Variants in ABHD18 observed in about 807,000 individuals in gnomAD.
The protein encoded by ABHD18 is abhydrolase domain containing 18, also known as cardiolipin-specific deacylase, mitochondrial.
ABHD18 carries 55 observed loss-of-function variants against 65.9 expected under a neutral mutation model. The observed-to-expected ratio is 0.84, with a 90% CI of 0.67 to 1.05. The LOEUF is 1.05. ABHD18 is among the 50% of genes least tolerant of loss of function. The pLI is 0.00. For synonymous variants in ABHD18, 181 were observed against 180.2 expected, an observed-to-expected ratio of 1.00 and a Z score of -0.04; for missense variants, 533 against 558.5, an observed-to-expected ratio of 0.95 and a Z score of 0.46.
Position 128,036,723 on chromosome 4 carries a change from A to C in ABHD18, c.*910A>C, listed in dbSNP as rs1758911555. On this transcript the variant is annotated 3_prime_UTR_variant, in exon 13 of 13. Transcript: ENST00000645843. ...CTCCAGCCTGGGCAACAAGAGTGAA[A>C]CTCCGTCTCAAAATAATAATAATAA... is the stretch of plus-strand genomic sequence containing the variant. 1.3e-5 allele frequency: 2 copies of C among 149,734 alleles called. No homozygotes were observed. The highest frequency in any genetic ancestry group is 3.0e-5 in the Non-Finnish European group (2 of 67,510). The allele number at this position is 149,734 out of a possible 1,614,324, so 9.3% of individuals were successfully genotyped here. A position where few individuals can be genotyped will look rare whatever the true frequency, so the allele number is the denominator to read the frequency against.
intron 7 of ABHD18, among the ~76,000 whole-genome samples, chr4:128,016,886 T>A (rs1251641489): frequency 6.6e-6 from 1 of 152,198 alleles, no homozygotes; most frequent in Non-Finnish European, 1.5e-5. Flanking sequence ...TGATTTGATA[T>A]GTAATCCAAT....
intron 10 of ABHD18, among the ~76,000 whole-genome samples, chr4:128,024,849 C>T (rs746708771): frequency 2.0e-5 from 3 of 151,970 alleles, no homozygotes; most frequent in South Asian, 2.1e-4. Flanking sequence ...TGTGCCACCA[C>T]GCCCGGCTAA....
At chr4:128,029,410 G>A (rs979909669) in intron 11 of ABHD18, among the ~76,000 whole-genome samples, 11 of 152,110 alleles carry the variant, frequency 7.2e-5, no homozygotes, top group Admixed American at 4.6e-4. Flanking sequence ...GCTGGACACA[G>A]TGGCTCACGC....
At chr4:127,967,895 T>A (rs72920251) in intron 1 of ABHD18, among the ~76,000 whole-genome samples, 339 of 152,254 alleles carry the variant, frequency 2.2e-3, no homozygotes, top group African/African-American at 7.7e-3. Context: ...TGCATTTCCT[T>A]AGGTGACTGC....
chr4:128,029,872 C>T (rs1173434252), intron 11 of ABHD18, among the ~76,000 whole-genome samples: 2 of 151,724 alleles, frequency 1.3e-5, no homozygotes, highest in Non-Finnish European at 2.9e-5. Flanking sequence ...CTTATAGTCC[C>T]ATCTACTCAG....
At chr4:128,011,038 A>G (rs1285261912) in intron 6 of ABHD18, among the ~76,000 whole-genome samples, 1 of 152,190 alleles carries the variant, frequency 6.6e-6, no homozygotes, top group African/African-American at 2.4e-5. Context: ...AATTTTATGA[A>G]CGAAATAAAA....
Position 128,006,167 on chromosome 4 carries a change from A to G in ABHD18, c.279-2753A>G, listed in dbSNP as rs1753567466. Among the ~76,000 whole-genome samples, 3 of 152,198 alleles carry G rather than the reference A, an allele frequency of 2.0e-5. No homozygotes were observed. The South Asian group carries it at 6.2e-4, about 32-fold the overall frequency. The stretch of plus-strand genomic sequence containing the variant: ...GCAGAGACACTGATTACTGAAATTA[A>G]TTAGGTGGGTAGTTAGTTAATACTC... On this transcript the variant is annotated intron_variant, in intron 4 of 12. Transcript: ENST00000645843.
chr4:127,989,724 G>T lies in ABHD18; in HGVS notation c.181G>T (p.Glu61Ter). The change falls in exon 4 of 13, where the codon GAA (glutamate) becomes TAA (stop). Residue 61 changes from glutamate (E) to a stop codon, truncating the protein, a stop_gained. Coordinates refer to ENST00000645843, the MANE Select transcript of ABHD18 (RefSeq NM_001358451.3). LOFTEE classifies it high-confidence loss of function. Reference protein sequence around the residue: ...SDYPVHIDKIEEQSDCKILDG... With the variant: ...SDYPVHIDKI The stretch of plus-strand genomic sequence containing the variant: ...CTTGGTTTTGATTTTCTTTTAGATT[G>T]AAGAGCAATCAGATTGTAAGATCTT... The T allele has an allele frequency of 6.4e-7, 1 of 1,573,850 alleles. No homozygotes were observed. Among genetic ancestry groups the T allele is most frequent in the Non-Finnish European group, 8.6e-7 (1 of 1,159,632 alleles).
At chr4:128,011,742 A>G in intron 7 of ABHD18, 42 bp downstream of exon 7, 2 of 1,478,342 alleles carry the variant, frequency 1.4e-6, no homozygotes, top group Non-Finnish European at 9.0e-7. Context: ...TTTTTACCCA[A>G]TATCCAGCAG....
rs918887399 is a variant in ABHD18 at position 127,985,965 on chromosome 4, A to C, written c.177+1542A>C. Among the ~76,000 whole-genome samples, 289 of 152,308 alleles carry C rather than the reference A, an allele frequency of 1.9e-3. 1 individual carries two copies. Among genetic ancestry groups the C allele is most frequent in the African/African-American group, 6.8e-3 (283 of 41,562 alleles). ...AGGATGCGGAGGTTGCAGTGAACCA[A>C]GATCGCGCCACAGCACTCCAGCCTG... On this transcript the variant is annotated intron_variant, in intron 3 of 12. Coordinates refer to ENST00000645843, the MANE Select transcript of ABHD18 (RefSeq NM_001358451.3).
chr4:128,008,687 A>G (rs1458284098), intron 4 of ABHD18, among the ~76,000 whole-genome samples: 1 of 152,232 alleles, frequency 6.6e-6, no homozygotes, highest in African/African-American at 2.4e-5. Flanking sequence ...GAATAGGGAC[A>G]ATAAATTCTG....
Position 128,021,147 on chromosome 4 carries a change from G to T in ABHD18, c.710G>T (p.Ser237Ile). ...ASGVFTTGVL[S>I]KSINWRELEK... ...AGCTTATTATTTCAGGGTGTGTTGA[G>T]TAAATCAATTAATTGGAGGGAGCTG... Residue 237 changes from serine (S) to isoleucine (I), a missense_variant, in exon 10 of 13, where the codon AGT becomes ATT. By Grantham distance (142) the Ser-to-Ile change is moderately radical (BLOSUM62 -2). This residue lies in a region of ABHD18 where 309 missense variants were observed against 313.5 expected (regional missense o/e 0.99). Coordinates refer to ENST00000645843, the MANE Select transcript of ABHD18 (RefSeq NM_001358451.3). 6.5e-7 allele frequency: 1 copy of T among 1,543,934 alleles called. No individual in the cohort carries two copies. Among genetic ancestry groups the T allele is most frequent in the Non-Finnish European group, 8.8e-7 (1 of 1,141,364 alleles).
rs915566027 is a variant in ABHD18 at position 128,035,981 on chromosome 4, T to C, written c.*168T>C. On this transcript the variant is annotated 3_prime_UTR_variant, in exon 13 of 13. Coordinates refer to ENST00000645843, the MANE Select transcript of ABHD18 (RefSeq NM_001358451.3). The stretch of plus-strand genomic sequence containing the variant: ...GTTAACTATAAACTTCGAATACATT[T>C]GAATAATTTCAAGATAATATTTGAA... 1.3e-4 allele frequency: 54 copies of C among 424,086 alleles called. No individual in the cohort carries two copies. The highest frequency in any genetic ancestry group is 2.1e-4 in the Non-Finnish European group (50 of 239,136). 26.3% of individuals were successfully genotyped at this position (424,086 alleles called of 1,614,324 possible).
intron 1 of ABHD18, among the ~76,000 whole-genome samples, chr4:127,968,108 G>A (rs982698133): frequency 4.6e-5 from 7 of 152,338 alleles, no homozygotes; most frequent in African/African-American, 1.4e-4. Context: ...ACTCGGAGAG[G>A]CTGAGGCAGG....
rs570991192 is a variant in ABHD18 at position 127,983,966 on chromosome 4, G to A, written c.93-373G>A. On this transcript the variant is annotated intron_variant, in intron 2 of 12. Transcript: ENST00000645843. The stretch of plus-strand genomic sequence containing the variant: ...AAGCAGGAGAATTGCTTGAACCCGG[G>A]AGGCAGAGGTTGCAGTGAGCTGAGA... 5.9e-5 allele frequency among the ~76,000 whole-genome samples: 9 copies of A among 152,246 alleles called. No individual in the cohort carries two copies. In the East Asian group the frequency reaches 1.7e-3, roughly 29 times the overall value.
chr4:128,016,002 G>T lies in ABHD18; in HGVS notation c.471-1361G>T, dbSNP rs533308093. Among the ~76,000 whole-genome samples, 19 of 148,450 alleles carry T rather than the reference G, an allele frequency of 1.3e-4. No homozygotes were observed. The South Asian group carries it at 3.9e-3, about 30-fold the overall frequency. On this transcript the variant is annotated intron_variant, in intron 7 of 12. Transcript: ENST00000645843. The stretch of plus-strand genomic sequence containing the variant: ...GAGCCTCACTCTGTCACCCAGGCTG[G>T]AGTGCAGTGGCGCAATCTCTGGCTC...
intron 4 of ABHD18, among the ~76,000 whole-genome samples, chr4:128,002,567 A>G (rs1579297435): frequency 6.6e-6 from 1 of 150,888 alleles, no homozygotes; most frequent in Non-Finnish European, 1.5e-5. Flanking sequence ...GGTGTGAGGC[A>G]CCACACCCTA....
At chr4:127,979,758 A>C (rs985832909) in intron 1 of ABHD18, among the ~76,000 whole-genome samples, 3 of 151,980 alleles carry the variant, frequency 2.0e-5, no homozygotes, top group Non-Finnish European at 2.9e-5. Flanking sequence ...TCTACTAAAA[A>C]TACAAAAATT....
chr4:128,030,465 T>C, intron 11 of ABHD18, 45 bp from the exon 12 acceptor site: 1 of 1,321,710 alleles, frequency 7.6e-7, no homozygotes, highest in East Asian at 2.8e-5. Context: ...GGTTTTTTTA[T>C]TTTCTAATGT....
Sources: gnomAD v4.1 joint callset for allele counts (sites outside exome capture counted in the v4.1 genomes callset) on GRCh38, gnomAD v4.1.1 for gene constraint, gnomAD v4.1.1 regional missense constraint, MANE v1.5 for transcripts, NCBI Gene and HGNC (gene_info 2026-07-23, HGNC 2026-07-21) for gene names.